Variants in EYS observed in about 807,000 individuals in gnomAD.
EYS encodes the protein protein eyes shut homolog.
In EYS, 250 loss-of-function variants were observed where a neutral mutation model predicts 282.1. That is an observed-to-expected ratio of 0.89 (90% confidence interval 0.80 to 0.98). EYS has a LOEUF of 0.98. Among genes scored for constraint, EYS ranks in the 50% least tolerant of loss-of-function variants. EYS has a pLI of 0.00. For synonymous variants in EYS, 1,355 were observed against 1,282.9 expected (o/e 1.06, Z -1.20); for missense variants, 4,016 against 3,709.0 (o/e 1.08, Z -2.15).
At chr6:64,245,653 C>T (rs984986506) in intron 30 of EYS, among the ~76,000 whole-genome samples, 3 of 152,088 alleles carry the variant, frequency 2.0e-5, no homozygotes, top group East Asian at 1.9e-4. Flanking sequence ...TCTCATGGTG[C>T]TTTTTATTTC....
At chr6:64,962,184 A>G (rs1226833130) in intron 14 of EYS, among the ~76,000 whole-genome samples, 2 of 152,102 alleles carry the variant, frequency 1.3e-5, no homozygotes, top group Admixed American at 6.6e-5. Flanking sequence ...CTTTCTAGCC[A>G]TTAGTTCTTT....
chr6:64,264,418 G>A (rs1224244744), intron 30 of EYS, among the ~76,000 whole-genome samples: 2 of 152,098 alleles, frequency 1.3e-5, no homozygotes, highest in Non-Finnish European at 2.9e-5. Flanking sequence ...TGTTCCACAA[G>A]TTATCTCTGT....
chr6:64,774,641 T>C (rs768687943), intron 22 of EYS, among the ~76,000 whole-genome samples: 2 of 151,868 alleles, frequency 1.3e-5, no homozygotes, highest in African/African-American at 4.8e-5. Context: ...TAAATTATAG[T>C]TCCTAAAACT....
intron 26 of EYS, among the ~76,000 whole-genome samples, chr6:64,556,171 A>T (rs1765226304): frequency 6.6e-6 from 1 of 152,032 alleles, no homozygotes; most frequent in Non-Finnish European, 1.5e-5. Context: ...GTCTTCACAG[A>T]GACGTATGCA....
intron 18 of EYS, among the ~76,000 whole-genome samples, chr6:64,897,580 G>C (rs1767515158): frequency 6.6e-6 from 1 of 152,094 alleles, no homozygotes; most frequent in South Asian, 2.1e-4. Flanking sequence ...ACCAGCAAGG[G>C]AACAAAACTG....
intron 41 of EYS, among the ~76,000 whole-genome samples, chr6:63,761,047 A>AT (rs60604492): frequency 0.023 from 3,187 of 138,202 alleles, 86 homozygotes; most frequent in African/African-American, 0.068. Flanking sequence ...TATTTAACCG[A>AT]TTTTTTTTTT....
chr6:65,575,361 T>G (rs1211928646), intron 2 of EYS, among the ~76,000 whole-genome samples: 1 of 72,096 alleles, frequency 1.4e-5, no homozygotes. Flanking sequence ...TAAATATTGA[T>G]TAAAAGAAAA....
At chr6:65,526,419 A>C (rs1164105041) in intron 2 of EYS, among the ~76,000 whole-genome samples, 2 of 152,176 alleles carry the variant, frequency 1.3e-5, no homozygotes, top group Non-Finnish European at 1.5e-5. Context: ...CACTCTTCTT[A>C]TCTCTCATCA....
At chr6:65,699,034 T>A (rs1352296446) in intron 1 of EYS, among the ~76,000 whole-genome samples, 1 of 152,228 alleles carries the variant, frequency 6.6e-6, no homozygotes, top group Non-Finnish European at 1.5e-5. Flanking sequence ...TTATTTGCTA[T>A]TCATGAATTG....
At chr6:64,802,902 C>T (rs1399646236) in intron 22 of EYS, among the ~76,000 whole-genome samples, 1 of 152,168 alleles carries the variant, frequency 6.6e-6, no homozygotes, top group Non-Finnish European at 1.5e-5. Context: ...TGATGGCAGC[C>T]ACAAGCCCTC....
chr6:64,760,374 C>T (rs775741143), intron 22 of EYS, among the ~76,000 whole-genome samples: 2 of 152,088 alleles, frequency 1.3e-5, no homozygotes, highest in African/African-American at 2.4e-5. Flanking sequence ...GTCCCAGAAA[C>T]CCCTCAGTCC....
chr6:64,422,526 T>G (rs1326196513), intron 28 of EYS, among the ~76,000 whole-genome samples: 1 of 152,210 alleles, frequency 6.6e-6, no homozygotes, highest in African/African-American at 2.4e-5. Context: ...CTGGGATGCC[T>G]CAGGGAGGAA....
intron 19 of EYS, among the ~76,000 whole-genome samples, chr6:64,828,901 C>G (rs554387636): frequency 2.9e-4 from 44 of 152,056 alleles, no homozygotes; most frequent in South Asian, 1.0e-3. Context: ...TGGGTATAAA[C>G]TGGAAATGGA....
At chr6:64,553,854 T>C (rs1765164609) in intron 26 of EYS, among the ~76,000 whole-genome samples, 1 of 152,136 alleles carries the variant, frequency 6.6e-6, no homozygotes, top group African/African-American at 2.4e-5. Context: ...CATTTTCATA[T>C]TCCTAATAAT....
chr6:65,678,649 A>T (rs1311772825), intron 1 of EYS, among the ~76,000 whole-genome samples: 1 of 151,984 alleles, frequency 6.6e-6, no homozygotes, highest in Non-Finnish European at 1.5e-5. Flanking sequence ...AAAGTAAAAA[A>T]TCAACAGAGT....
chr6:65,272,260 C>T (rs1009155309), intron 12 of EYS, among the ~76,000 whole-genome samples: 2 of 152,114 alleles, frequency 1.3e-5, no homozygotes, highest in African/African-American at 4.8e-5. Context: ...CAGATCATTC[C>T]ATGGGCAATC....
At chr6:65,302,243 GGC>G (rs1460560721) in intron 11 of EYS, among the ~76,000 whole-genome samples, 1 of 152,138 alleles carries the variant, frequency 6.6e-6, no homozygotes, top group Non-Finnish European at 1.5e-5. Context: ...AGGTTTTCTT[GGC>G]AATGTGAGGA....
At position 65,415,053 on chromosome 6, in the gene EYS, C is replaced by G. The variant is rs553788328; in HGVS notation, c.863-9686G>C. ...TTAAAAATACAAAATTTGTCAAATA[C>G]TGCAAATGGTTTATAAAAGATGAAG... On this transcript the variant is annotated intron_variant, in intron 5 of 42. Transcript: ENST00000503581. Among the ~76,000 whole-genome samples, 3 of 152,080 alleles carry G rather than the reference C, an allele frequency of 2.0e-5. No individual in the cohort carries two copies. The South Asian group carries it at 6.2e-4, about 32-fold the overall frequency.
At chr6:65,453,750 G>T (rs914802341) in intron 5 of EYS, among the ~76,000 whole-genome samples, 2 of 151,704 alleles carry the variant, frequency 1.3e-5, no homozygotes, top group Non-Finnish European at 2.9e-5. Flanking sequence ...TTTTATTTTA[G>T]ATACCAGGTA....
Sources: allele counts gnomAD v4.1 joint callset (sites outside exome capture counted in the v4.1 genomes callset), GRCh38; gene constraint gnomAD v4.1.1; transcripts MANE v1.5; gene names NCBI Gene and HGNC (gene_info 2026-07-23, HGNC 2026-07-21).